ABI3BP: variants seen among roughly 807,000 people sequenced by gnomAD.
ABI3BP encodes ABI family member 3 binding protein, also known as target of Nesh-SH3.
A neutral mutation model predicts 268.6 loss-of-function variants in ABI3BP; 216 were observed. The ratio of observed to expected loss-of-function variants is 0.80; its 90% CI spans 0.72 to 0.90. The LOEUF is 0.90. Ranked by LOEUF, ABI3BP falls within the 40% of genes least tolerant of loss-of-function variation. The pLI is 0.00. For synonymous variants in ABI3BP, 730 were observed against 730.0 expected, an observed-to-expected ratio of 1.00 and a Z score of 0.00; for missense variants, 2,090 against 2,182.4, an observed-to-expected ratio of 0.96 and a Z score of 0.84.
At chr3:100,917,388 A>G (rs552926574) in intron 2 of ABI3BP, among the ~76,000 whole-genome samples, 1 of 152,318 alleles carries the variant, frequency 6.6e-6, no homozygotes, top group South Asian at 2.1e-4. Context: ...TTAAAGGAAA[A>G]TAATATATGG....
At chr3:100,860,443 G>C (rs1368158810) in intron 14 of ABI3BP, among the ~76,000 whole-genome samples, 1 of 152,208 alleles carries the variant, frequency 6.6e-6, no homozygotes, top group Non-Finnish European at 1.5e-5. Flanking sequence ...TAAAGAGTCA[G>C]TTTCCTTCTG....
At chr3:100,792,848 G>C (rs891499294) in intron 54 of ABI3BP, 80 bp from the exon 55 acceptor site, 2 of 1,174,044 alleles carry the variant, frequency 1.7e-6, no homozygotes, top group South Asian at 2.6e-5. Flanking sequence ...ACTCTTTTCT[G>C]TCCCATGCAA....
chr3:100,967,294 C>T (rs542357312), intron 1 of ABI3BP, among the ~76,000 whole-genome samples: 1 of 151,888 alleles, frequency 6.6e-6, no homozygotes, highest in African/African-American at 2.4e-5. Flanking sequence ...TTGAGTTCAG[C>T]AGTTCAAGAC....
intron 66 of ABI3BP, chr3:100,752,420 A>T (rs9843775): frequency 0.033 from 5,752 of 176,390 alleles, 364 homozygotes; most frequent in African/African-American, 0.13. Context: ...CTCTTCTAGC[A>T]TCTTGAAGAT....
intron 41 of ABI3BP, among the ~76,000 whole-genome samples, chr3:100,817,866 A>G (rs1485756206): frequency 6.6e-6 from 1 of 152,206 alleles, no homozygotes; most frequent in Non-Finnish European, 1.5e-5. Flanking sequence ...CTTGTTAACT[A>G]CTGTCTAAGT....
At chr3:100,920,475 G>C (rs2059900392) in intron 2 of ABI3BP, among the ~76,000 whole-genome samples, 1 of 152,040 alleles carries the variant, frequency 6.6e-6, no homozygotes, top group Admixed American at 6.6e-5. Flanking sequence ...CCAGGCTGGA[G>C]TGCATTGGCG....
chr3:100,957,475 T>C (rs1026490603), intron 1 of ABI3BP, among the ~76,000 whole-genome samples: 2 of 152,048 alleles, frequency 1.3e-5, no homozygotes, highest in Non-Finnish European at 1.5e-5. Context: ...GGATCTGAAG[T>C]TGAAGGGAGT....
chr3:100,974,602 G>A (rs2085205011), intron 1 of ABI3BP, among the ~76,000 whole-genome samples: 1 of 152,058 alleles, frequency 6.6e-6, no homozygotes, highest in African/African-American at 2.4e-5. Flanking sequence ...GTAGGGGAAG[G>A]GATTGACTAC....
chr3:100,808,229 T>A lies in ABI3BP; in HGVS notation c.3614A>T (p.Lys1205Met). The change falls in exon 50 of 68, where the codon AAG becomes ATG. Residue 1205 changes from lysine (K) to methionine (M), a missense_variant. Coordinates refer to ENST00000471714, the MANE Select transcript of ABI3BP (RefSeq NM_001375547.2). ...CTTAGGAGGAGCACGTGGTGTCTGCTTGGGAGCTAAAAGAAAGGATATAGG... is the reference window on the plus strand; with the variant it reads ...CTTAGGAGGAGCACGTGGTGTCTGCATGGGAGCTAAAAGAAAGGATATAGG... Reference protein sequence around the residue: ...PDEPQTEPAPKQTPRAPPKPK... With the variant: ...PDEPQTEPAPMQTPRAPPKPK... 3 of 1,609,022 alleles carry A rather than the reference T, an allele frequency of 1.9e-6. No individual in the cohort carries two copies. Among genetic ancestry groups the A allele is most frequent in the Non-Finnish European group, 2.5e-6 (3 of 1,177,430 alleles).
At chr3:100,954,091 G>A (rs941181602) in intron 1 of ABI3BP, among the ~76,000 whole-genome samples, 2 of 152,060 alleles carry the variant, frequency 1.3e-5, no homozygotes, top group Non-Finnish European at 2.9e-5. Flanking sequence ...TTTCTGGTGC[G>A]CATCAGAACA....
At chr3:100,985,141 CTTTTTTT>C (rs1172049956) in intron 1 of ABI3BP, among the ~76,000 whole-genome samples, 2 of 79,836 alleles carry the variant, frequency 2.5e-5, no homozygotes, top group East Asian at 3.4e-4. Flanking sequence ...CAGAAAAGCA[CTTTTTTT>C]TTTTTTTTTT....
At chr3:100,933,315 C>T (rs889810231) in intron 1 of ABI3BP, among the ~76,000 whole-genome samples, 1 of 151,840 alleles carries the variant, frequency 6.6e-6, no homozygotes, top group African/African-American at 2.4e-5. Flanking sequence ...ATACTGATGT[C>T]AATAAAATAA....
chr3:100,911,781 G>T (rs2056599684), intron 2 of ABI3BP: 4 of 1,119,962 alleles, frequency 3.6e-6, no homozygotes, highest in Non-Finnish European at 5.5e-6. Flanking sequence ...TATTATACTT[G>T]GTGTTAATAG....
At chr3:100,812,548 A>C (rs1330921737) in intron 45 of ABI3BP, 25 bp from the exon 46 acceptor site, 1 of 1,304,134 alleles carries the variant, frequency 7.7e-7, no homozygotes, top group East Asian at 2.9e-5. Context: ...AAAATGGTAC[A>C]ATTGATAAAG....
intron 67 of ABI3BP, among the ~76,000 whole-genome samples, chr3:100,751,242 A>G (rs1454529911): frequency 6.6e-6 from 1 of 152,192 alleles, no homozygotes; most frequent in Non-Finnish European, 1.5e-5. Context: ...AAATAACGCA[A>G]GTACACTCAG....
chr3:100,888,429 C>T (rs2042973004), intron 4 of ABI3BP, among the ~76,000 whole-genome samples: 1 of 152,030 alleles, frequency 6.6e-6, no homozygotes, highest in African/African-American at 2.4e-5. Context: ...GATGGGCCAA[C>T]AAAATTATGC....
intron 51 of ABI3BP, among the ~76,000 whole-genome samples, chr3:100,801,489 AC>A (rs1417778825): frequency 3.3e-5 from 5 of 151,792 alleles, no homozygotes; most frequent in Non-Finnish European, 7.4e-5. Context: ...TTTATTAATC[AC>A]ATCAATGGCA....
chr3:100,811,950 C>G (rs1375483989), intron 46 of ABI3BP, among the ~76,000 whole-genome samples, 151 bp from the exon 47 acceptor site: 1 of 152,016 alleles, frequency 6.6e-6, no homozygotes, highest in African/African-American at 2.4e-5. Context: ...ATGAAGATGA[C>G]CACAATTTAG....
intron 1 of ABI3BP, among the ~76,000 whole-genome samples, chr3:100,982,941 T>C (rs2090258724): frequency 6.6e-6 from 1 of 152,196 alleles, no homozygotes; most frequent in Non-Finnish European, 1.5e-5. Flanking sequence ...GCTGCCAGCA[T>C]GACTTTGGCA....
Sources: gnomAD v4.1 joint callset for allele counts (sites outside exome capture counted in the v4.1 genomes callset) on GRCh38, gnomAD v4.1.1 for gene constraint, MANE v1.5 for transcripts, NCBI Gene and HGNC (gene_info 2026-07-23, HGNC 2026-07-21) for gene names.